C3orf20: variants seen among roughly 807,000 people sequenced by gnomAD.
The protein encoded by C3orf20 is family with sequence similarity 149 member C.
A neutral mutation model predicts 88.3 loss-of-function variants in C3orf20; 76 were observed. The observed-to-expected ratio is 0.86, with a 90% CI of 0.72 to 1.04. The LOEUF is 1.04. Among genes scored for constraint, C3orf20 ranks in the 50% least tolerant of loss-of-function variants. The probability of loss-of-function intolerance (pLI) is 0.00; values close to 1 mark genes in which losing one functional copy is unlikely to be tolerated. For synonymous variants in C3orf20, 436 were observed against 437.4 expected (o/e 1.00, Z 0.04); for missense variants, 1,056 against 1,123.3 (o/e 0.94, Z 0.86).
intron 7 of C3orf20, among the ~76,000 whole-genome samples, chr3:14,709,849 C>T (rs545497285): frequency 1.2e-4 from 18 of 152,202 alleles, no homozygotes; most frequent in Admixed American, 9.2e-4. Flanking sequence ...ATTTGTCTGG[C>T]TTTGGTATCA....
chr3:14,681,004 C>T (rs1050409200), intron 1 of C3orf20, among the ~76,000 whole-genome samples: 21 of 152,368 alleles, frequency 1.4e-4, no homozygotes, highest in African/African-American at 5.1e-4. Flanking sequence ...TATCTGCAAA[C>T]CAGCAGGATG....
At position 14,701,849 on chromosome 3, in the gene C3orf20, A is replaced by T. The variant is rs556856829; in HGVS notation, c.746-1281A>T. Among the ~76,000 whole-genome samples, 14 of 152,156 alleles carry T rather than the reference A, an allele frequency of 9.2e-5. No homozygotes were observed. The highest frequency in any genetic ancestry group is 1.6e-4 in the Non-Finnish European group (11 of 68,032). On this transcript the variant is annotated intron_variant, in intron 5 of 16. Transcript: ENST00000253697. The surrounding 1 kb of genome is among the most constrained non-coding windows in gnomAD (Gnocchi z 4.6). ...CATGGCCAGTCTCATCACTTTGCACAAGTCAGTCCCTGACACATCCATCAC... is the reference window on the plus strand; with the variant it reads ...CATGGCCAGTCTCATCACTTTGCACTAGTCAGTCCCTGACACATCCATCAC...
intron 7 of C3orf20, among the ~76,000 whole-genome samples, chr3:14,712,665 A>G (rs1292755956): frequency 2.0e-5 from 3 of 152,230 alleles, no homozygotes; most frequent in African/African-American, 4.8e-5. Context: ...TTCAAATCAT[A>G]TAGGAAAAAA....
intron 12 of C3orf20, among the ~76,000 whole-genome samples, chr3:14,737,717 C>A (rs886093362): frequency 6.6e-6 from 1 of 152,176 alleles, no homozygotes; most frequent in African/African-American, 2.4e-5. Context: ...TTAATTTTTC[C>A]TTTCACAAAA....
intron 5 of C3orf20, among the ~76,000 whole-genome samples, chr3:14,695,840 CT>C (rs1266570352): frequency 6.6e-6 from 1 of 151,986 alleles, no homozygotes; most frequent in Non-Finnish European, 1.5e-5. Flanking sequence ...CATGTAACAT[CT>C]TTTTTTCGTT....
In C3orf20 at chr3:14,729,516, G is replaced by A. The variant is rs532228861; in HGVS notation, c.1940+828G>A. On this transcript the variant is annotated intron_variant, in intron 12 of 16. Transcript: ENST00000253697. ...TGTAGCCTTGATAGTGTTATGGAAG[G>A]CCATTCCATAAGGAAGTGACATCAT... 2.6e-3 allele frequency among the ~76,000 whole-genome samples: 390 copies of A among 152,258 alleles called. 5 individuals carry two copies. Among genetic ancestry groups the A allele is most frequent in the Middle Eastern group, 0.01 (3 of 294 alleles).
chr3:14,727,104 CAGACCTTTACTTTACCG>C (rs1220338728), intron 11 of C3orf20, 80 bp downstream of exon 11: 2 of 1,476,190 alleles, frequency 1.4e-6, no homozygotes, highest in Middle Eastern at 2.0e-4. Context: ...TCTCAAGGGA[CAGACCTTTACTTTACCG>C]CCCATTCCAT....
chr3:14,698,146 C>G (rs1359696464), intron 5 of C3orf20, among the ~76,000 whole-genome samples: 2 of 152,152 alleles, frequency 1.3e-5, no homozygotes, highest in African/African-American at 4.8e-5. Flanking sequence ...TGTCTTCAAT[C>G]TCTTCGTTAA....
chr3:14,688,422 C>T (rs984762617), intron 4 of C3orf20, among the ~76,000 whole-genome samples: 8 of 149,078 alleles, frequency 5.4e-5, no homozygotes, highest in Non-Finnish European at 8.9e-5. Flanking sequence ...GTCCCAGCTA[C>T]TTGGGAGGCT....
intron 9 of C3orf20, among the ~76,000 whole-genome samples, chr3:14,716,120 A>G (rs1216190314): frequency 2.0e-5 from 3 of 152,226 alleles, no homozygotes; most frequent in Non-Finnish European, 4.4e-5. Flanking sequence ...ACTAGATTCC[A>G]GTAGTATCCC....
chr3:14,715,594 G>A (rs1004972901), intron 9 of C3orf20, among the ~76,000 whole-genome samples, 185 bp downstream of exon 9: 27 of 152,356 alleles, frequency 1.8e-4, no homozygotes, highest in Admixed American at 9.1e-4. Flanking sequence ...GTCCAGGTTG[G>A]CTGAAGGGAA....
intron 12 of C3orf20, among the ~76,000 whole-genome samples, chr3:14,740,305 T>G (rs1172252177): frequency 6.6e-6 from 1 of 152,136 alleles, no homozygotes; most frequent in Non-Finnish European, 1.5e-5. Flanking sequence ...CCCAAGGAGA[T>G]GGAGAGAAAC....
intron 4 of C3orf20, among the ~76,000 whole-genome samples, chr3:14,686,029 T>A (rs1431155255): frequency 1.3e-5 from 2 of 152,074 alleles, no homozygotes; most frequent in East Asian, 3.9e-4. Flanking sequence ...GCTCGGCTCA[T>A]TTTTGTATTT....
At chr3:14,761,820 G>T (rs900522835) in intron 15 of C3orf20, among the ~76,000 whole-genome samples, 16 of 152,124 alleles carry the variant, frequency 1.1e-4, no homozygotes, top group African/African-American at 3.4e-4. Flanking sequence ...GTGGGCAGGG[G>T]AGAGATGGGA....
intron 5 of C3orf20, among the ~76,000 whole-genome samples, chr3:14,695,403 G>T (rs1351932132): frequency 1.3e-5 from 2 of 151,588 alleles, no homozygotes; most frequent in Non-Finnish European, 2.9e-5. Context: ...CTTGTTTTGT[G>T]ACCTAACATA....
intron 10 of C3orf20, 174 bp downstream of exon 10, chr3:14,721,958 T>G: frequency 1.4e-6 from 1 of 721,058 alleles, no homozygotes; most frequent in Non-Finnish European, 2.3e-6. Flanking sequence ...CCTGTGAAAC[T>G]TCTTATATCA....
At chr3:14,705,051 A>G (rs1285236138) in intron 7 of C3orf20, among the ~76,000 whole-genome samples, 1 of 152,176 alleles carries the variant, frequency 6.6e-6, no homozygotes, top group Admixed American at 6.5e-5. Flanking sequence ...GTCCTTGGAT[A>G]CTTCACCTAT....
intron 5 of C3orf20, among the ~76,000 whole-genome samples, chr3:14,696,723 A>G (rs1008565734): frequency 1.3e-5 from 2 of 151,698 alleles, no homozygotes; most frequent in African/African-American, 2.4e-5. Context: ...TTTCTGCTTG[A>G]GATAATAGTA....
At chr3:14,766,422 A>G (rs1458841994) in intron 15 of C3orf20, among the ~76,000 whole-genome samples, 2 of 152,184 alleles carry the variant, frequency 1.3e-5, no homozygotes, top group Non-Finnish European at 1.5e-5. Context: ...TGGAGCTGCC[A>G]GGAAAGCTTT....
Sources: allele counts gnomAD v4.1 joint callset (sites outside exome capture counted in the v4.1 genomes callset), GRCh38; gene constraint gnomAD v4.1.1; non-coding constraint Gnocchi (gnomAD v3.1); transcripts MANE v1.5; gene names NCBI Gene and HGNC (gene_info 2026-07-23, HGNC 2026-07-21).